The following RGS6 variants were observed in gnomAD, a reference collection of about 807,000 sequenced individuals.
The protein encoded by RGS6 is regulator of G-protein signaling 6.
RGS6 carries 30 observed loss-of-function variants against 78.5 expected under a neutral mutation model. The ratio of observed to expected loss-of-function variants is 0.38; its 90% CI spans 0.29 to 0.52. RGS6 has a LOEUF of 0.52. RGS6 is among the 20% of genes least tolerant of loss of function. The pLI is 0.85. For synonymous variants in RGS6, 206 were observed against 206.0 expected, an observed-to-expected ratio of 1.00 and a Z score of 0.00; for missense variants, 495 against 609.7, an observed-to-expected ratio of 0.81 and a Z score of 1.98.
At chr14:72,006,226 T>C (rs2084523647) in intron 2 of RGS6, among the ~76,000 whole-genome samples, 1 of 152,158 alleles carries the variant, frequency 6.6e-6, no homozygotes, top group African/African-American at 2.4e-5. Flanking sequence ...GACTTCTCCT[T>C]ATGTTTATTA....
intron 17 of RGS6, chr14:72,541,516 CTGCTTTGCCA>C (rs1329856125): frequency 6.5e-7 from 1 of 1,535,616 alleles, no homozygotes; most frequent in African/African-American, 1.4e-5. Context: ...ATCTTCATGG[CTGCTTTGCCA>C]ATGGCCGTGT....
At chr14:72,090,446 C>T (rs527627606) in intron 2 of RGS6, among the ~76,000 whole-genome samples, 9 of 152,250 alleles carry the variant, frequency 5.9e-5, no homozygotes, top group African/African-American at 1.4e-4. Context: ...ACTGCACATG[C>T]GAGGGATCTA....
chr14:72,393,711 G>A (rs2090525464), intron 3 of RGS6, among the ~76,000 whole-genome samples: 1 of 152,154 alleles, frequency 6.6e-6, no homozygotes, highest in Non-Finnish European at 1.5e-5. Flanking sequence ...TAGAATATAG[G>A]TAGTGAGACT....
intron 2 of RGS6, among the ~76,000 whole-genome samples, chr14:72,124,388 A>G (rs573232480): frequency 6.6e-6 from 1 of 152,294 alleles, no homozygotes; most frequent in Admixed American, 6.5e-5. Flanking sequence ...AACGAACACA[A>G]TACACAGGAA....
intron 7 of RGS6, 118 bp from the exon 8 acceptor site, chr14:72,469,889 G>A (rs1405403546): frequency 2.8e-6 from 2 of 704,196 alleles, no homozygotes; most frequent in Admixed American, 2.1e-5. Flanking sequence ...ATTTAAAGCA[G>A]GTCTTGCTAT....
At chr14:72,006,491 G>A (rs951213881) in intron 2 of RGS6, among the ~76,000 whole-genome samples, 3 of 152,182 alleles carry the variant, frequency 2.0e-5, no homozygotes, top group Non-Finnish European at 2.9e-5. Flanking sequence ...CTGTTGTGAC[G>A]ATAGGCAATG....
At chr14:72,614,738 AT>A in the RGS6 span, among the ~76,000 whole-genome samples, 1 of 144,118 alleles carries the variant, frequency 6.9e-6, no homozygotes. Context: ...TTACAAAATA[AT>A]AATAATAATA....
At chr14:71,879,619 G>C in the RGS6 span, among the ~76,000 whole-genome samples, 142 of 152,270 alleles carry the variant, frequency 9.3e-4, no homozygotes, top group Non-Finnish European at 1.7e-3. Context: ...GTTTAATAAG[G>C]GGAAACCCAT....
chr14:72,226,272 A>G (rs2048103706), intron 2 of RGS6, among the ~76,000 whole-genome samples: 1 of 152,224 alleles, frequency 6.6e-6, no homozygotes, highest in African/African-American at 2.4e-5. Context: ...TTTGGCCTTC[A>G]AAAGCAGTAT....
chr14:72,015,664 A>G (rs2086796091), intron 2 of RGS6, among the ~76,000 whole-genome samples: 3 of 152,218 alleles, frequency 2.0e-5, no homozygotes, highest in Admixed American at 6.5e-5. Context: ...AACTTAGTGG[A>G]CATTACCAAA....
At chr14:71,956,801 A>G (rs2092824845) in intron 1 of RGS6, among the ~76,000 whole-genome samples, 2 of 152,152 alleles carry the variant, frequency 1.3e-5, no homozygotes. Flanking sequence ...AACCATCACA[A>G]GGGGAGATGC....
At chr14:72,077,351 A>G (rs1597183803) in intron 2 of RGS6, among the ~76,000 whole-genome samples, 2 of 152,226 alleles carry the variant, frequency 1.3e-5, no homozygotes, top group Middle Eastern at 6.8e-3. Flanking sequence ...TTTTACAGTA[A>G]TAGTACAAAT....
chr14:72,250,821 A>G (rs1278272457), intron 2 of RGS6, among the ~76,000 whole-genome samples: 1 of 152,122 alleles, frequency 6.6e-6, no homozygotes, highest in African/African-American at 2.4e-5. Context: ...TCATTTATTC[A>G]TTTTTCTTTA....
chr14:72,444,242 CAG>C (rs2095299704), intron 3 of RGS6, among the ~76,000 whole-genome samples: 6 of 152,328 alleles, frequency 3.9e-5, no homozygotes, highest in Admixed American at 1.3e-4. Flanking sequence ...CCACAGCCCT[CAG>C]AGCCTCCTGG....
chr14:72,404,240 G>T (rs1050246364), intron 3 of RGS6, among the ~76,000 whole-genome samples: 8 of 152,238 alleles, frequency 5.3e-5, no homozygotes, highest in African/African-American at 1.9e-4. Flanking sequence ...TCAGAAAGGA[G>T]AATCGGTTCT....
At chr14:72,262,023 C>T (rs1482478978) in intron 2 of RGS6, among the ~76,000 whole-genome samples, 2 of 151,780 alleles carry the variant, frequency 1.3e-5, no homozygotes, top group Non-Finnish European at 2.9e-5. Flanking sequence ...AGACATTAAC[C>T]TACAACATCT....
At chr14:72,366,732 A>C (rs1467761629) in intron 3 of RGS6, among the ~76,000 whole-genome samples, 1 of 152,196 alleles carries the variant, frequency 6.6e-6, no homozygotes, top group Non-Finnish European at 1.5e-5. Flanking sequence ...CACTGGAGCC[A>C]AGATGGTGAG....
At chr14:72,335,939 T>C (rs1040103231) in intron 2 of RGS6, among the ~76,000 whole-genome samples, 1 of 152,160 alleles carries the variant, frequency 6.6e-6, no homozygotes, top group Admixed American at 6.5e-5. Flanking sequence ...CTTGTGGATG[T>C]CCTCCTAAGT....
upstream of RGS6, among the ~76,000 whole-genome samples, chr14:71,930,799 A>G (rs1289331962): frequency 6.6e-6 from 1 of 151,528 alleles, no homozygotes; most frequent in South Asian, 2.1e-4. Flanking sequence ...CTTGGCCAAC[A>G]TGGTGAAACC....
Sources: allele counts gnomAD v4.1 joint callset (sites outside exome capture counted in the v4.1 genomes callset), GRCh38; gene constraint gnomAD v4.1.1; transcripts MANE v1.5; gene names NCBI Gene and HGNC (gene_info 2026-07-23, HGNC 2026-07-21).